AKNAD1: variants seen among roughly 807,000 people sequenced by gnomAD.
The protein encoded by AKNAD1 is AKNA domain containing 1.
AKNAD1 carries 67 observed loss-of-function variants against 90.8 expected under a neutral mutation model. That is an observed-to-expected ratio of 0.74 (90% CI 0.61 to 0.90). The LOEUF is 0.90. Ranked by LOEUF, AKNAD1 falls within the 40% of genes least tolerant of loss-of-function variation. AKNAD1 has a pLI of 0.00. For synonymous variants in AKNAD1, 327 were observed against 341.4 expected, an observed-to-expected ratio of 0.96 and a Z score of 0.46; for missense variants, 957 against 975.4, an observed-to-expected ratio of 0.98 and a Z score of 0.25.
chr1:108,839,471 T>TAAAAAAAAAAAAAAAAAAAAAAA (rs3044857), intron 6 of AKNAD1, among the ~76,000 whole-genome samples: 3 of 126,148 alleles, frequency 2.4e-5, no homozygotes, highest in African/African-American at 1.0e-4. Context: ...TCCGTCTCAA[T>TAAAAAAAAAAAAAAAAAAAAAAA]AAAAAAAAAA....
intron 7 of AKNAD1, among the ~76,000 whole-genome samples, chr1:108,835,678 G>A (rs1664359037): frequency 1.3e-5 from 2 of 150,768 alleles, no homozygotes; most frequent in East Asian, 3.9e-4. Context: ...AGACTGGAGT[G>A]CAATGGCGCA....
intron 14 of AKNAD1, among the ~76,000 whole-genome samples, chr1:108,818,902 T>C (rs1406674472): frequency 6.9e-6 from 1 of 145,434 alleles, no homozygotes; most frequent in Non-Finnish European, 1.5e-5. Context: ...GGGCAGAGGT[T>C]GCAGTGAGCC....
At chr1:108,822,129 C>CA (rs1341716284) in intron 13 of AKNAD1, among the ~76,000 whole-genome samples, 3 of 152,024 alleles carry the variant, frequency 2.0e-5, no homozygotes, top group South Asian at 2.1e-4. Flanking sequence ...ACTGGAAACT[C>CA]AGAGTTAGAA....
chr1:108,839,858 A>C (rs1664487952), intron 6 of AKNAD1, among the ~76,000 whole-genome samples: 1 of 151,948 alleles, frequency 6.6e-6, no homozygotes, highest in South Asian at 2.1e-4. Context: ...ATGTCTCTAC[A>C]AAAAAAATTT....
chr1:108,843,908 T>C (rs946569778), intron 5 of AKNAD1, among the ~76,000 whole-genome samples: 18 of 152,200 alleles, frequency 1.2e-4, no homozygotes, highest in African/African-American at 3.9e-4. Flanking sequence ...ATGTTGAAGA[T>C]GTATGGAGGC....
At chr1:108,858,173 A>C (rs1256397444), upstream of AKNAD1, 1 of 152,746 alleles carries the variant, frequency 6.5e-6, no homozygotes, top group Non-Finnish European at 1.5e-5. Flanking sequence ...AGTTGACTGC[A>C]GTTGAATAAC....
chr1:108,853,265 G>A (rs1473305550), intron 1 of AKNAD1, among the ~76,000 whole-genome samples: 2 of 151,488 alleles, frequency 1.3e-5, no homozygotes, highest in African/African-American at 2.4e-5. Flanking sequence ...CCGAGCAGCC[G>A]GGACTACAGG....
intron 7 of AKNAD1, chr1:108,837,316 A>C (rs946185517): frequency 7.4e-5 from 32 of 432,020 alleles, no homozygotes; most frequent in Admixed American, 3.9e-4. Context: ...AATGGATTTA[A>C]ACAGCATTGT....
chr1:108,846,370 T>C (rs1380884053), intron 5 of AKNAD1, among the ~76,000 whole-genome samples: 1 of 152,210 alleles, frequency 6.6e-6, no homozygotes, highest in Non-Finnish European at 1.5e-5. Flanking sequence ...AGAACCAGTT[T>C]TCTCTGCTCT....
chr1:108,853,218 A>G (rs1259565857), intron 1 of AKNAD1, among the ~76,000 whole-genome samples: 18 of 143,294 alleles, frequency 1.3e-4, no homozygotes, highest in African/African-American at 2.4e-4. Context: ...TGCAAGCTCC[A>G]CCTCCCAGGT....
intron 5 of AKNAD1, among the ~76,000 whole-genome samples, chr1:108,844,377 C>CATATAT (rs35559697): frequency 6.3e-4 from 91 of 145,116 alleles, no homozygotes; most frequent in African/African-American, 1.8e-3. Flanking sequence ...TCTCTCTCTC[C>CATATAT]ATATATATAT....
rs1381675236 is a variant in AKNAD1 at position 108,852,163 on chromosome 1, G to A, written c.502C>T (p.Leu168Phe). The A allele has an allele frequency of 1.2e-6, 2 of 1,614,022 alleles. No homozygotes were observed. Among genetic ancestry groups the A allele is most frequent in the Non-Finnish European group, 8.5e-7 (1 of 1,180,020 alleles). The change falls in exon 2 of 16, where the codon CTC becomes TTC. Residue 168 changes from leucine (L) to phenylalanine (F), a missense_variant. Transcript: ENST00000370001. ...NSWPKEQTPE[L>F]TDQLNPKRDG... ...CTTTTCGGGTTGAGTTGGTCAGTGA[G>A]TTCTGGGGTTTGTTCTTTTGGCCAA...
intron 6 of AKNAD1, 110 bp downstream of exon 6, chr1:108,843,024 G>T: frequency 7.3e-7 from 1 of 1,373,682 alleles, no homozygotes; most frequent in Non-Finnish European, 9.9e-7. Flanking sequence ...AGTTTCTGCT[G>T]ACCCTAGACC....
chr1:108,828,349 T>TGGCCCACCTGCAGCTTCCTCC (rs1225811271), intron 10 of AKNAD1, among the ~76,000 whole-genome samples: 3 of 151,730 alleles, frequency 2.0e-5, no homozygotes, highest in Non-Finnish European at 2.9e-5. Flanking sequence ...AGCCTTCCTG[T>TGGCCCACCTGCAGCTTCCTCC]GGCCCACCTG....
intron 2 of AKNAD1, 118 bp downstream of exon 2, chr1:108,851,554 G>T: frequency 1.0e-6 from 1 of 956,624 alleles, no homozygotes; most frequent in Non-Finnish European, 1.5e-6. Flanking sequence ...GGGTGACCCA[G>T]GGTGCTGAAT....
rs145845860 is a variant in AKNAD1 at position 108,851,918 on chromosome 1, G to A, written c.747C>T (p.Tyr249=). 102 of 1,614,196 alleles carry A rather than the reference G, an allele frequency of 6.3e-5. 1 individual carries two copies. The highest frequency in any genetic ancestry group is 5.6e-4 in the African/African-American group (42 of 75,042). Residue 249 remains tyrosine (Y), a synonymous_variant, in exon 2 of 16, where the codon TAC becomes TAT. Transcript: ENST00000370001. ...GCTGGTAATGAACTTGACCTTGGCCGTATTTGAACGTGTTGCCTGAATTTG... is the reference window on the plus strand; with the variant it reads ...GCTGGTAATGAACTTGACCTTGGCCATATTTGAACGTGTTGCCTGAATTTG... ...EKANSGNTFK[Y]GQGQVHYQLP...
chr1:108,843,089 A>G (rs752377822), intron 6 of AKNAD1, 45 bp downstream of exon 6: 19 of 1,599,014 alleles, frequency 1.2e-5, no homozygotes, highest in Admixed American at 3.4e-5. Flanking sequence ...CCTGAAGGAG[A>G]TCACCTTTGA....
intron 6 of AKNAD1, 21 bp from the exon 7 acceptor site, chr1:108,837,727 A>G (rs761281920): frequency 2.0e-5 from 32 of 1,613,198 alleles, no homozygotes; most frequent in Non-Finnish European, 2.7e-5. Context: ...ATAAACACAC[A>G]GGCATCTTCT....
At chr1:108,841,874 T>C (rs577147754) in intron 6 of AKNAD1, among the ~76,000 whole-genome samples, 2 of 152,252 alleles carry the variant, frequency 1.3e-5, no homozygotes, top group East Asian at 3.9e-4. Flanking sequence ...GCTTCTCCCA[T>C]ATATGGAATG....
Sources: allele counts gnomAD v4.1 joint callset (sites outside exome capture counted in the v4.1 genomes callset), GRCh38; gene constraint gnomAD v4.1.1; transcripts MANE v1.5; gene names NCBI Gene and HGNC (gene_info 2026-07-23, HGNC 2026-07-21).